Variants in MTPN observed in about 807,000 individuals in gnomAD.
The protein encoded by MTPN is myotrophin, also known as granule cell differentiation protein.
Under a neutral mutation model 13.5 loss-of-function variants are expected in MTPN, and 2 were observed. The observed-to-expected ratio is 0.15, with a 90% CI of 0.06 to 0.47. MTPN has a LOEUF of 0.47. Among genes scored for constraint, MTPN ranks in the 20% least tolerant of loss-of-function variants. The pLI is 0.97. For missense variants in MTPN, 79 were observed against 137.9 expected, an observed-to-expected ratio of 0.57 and a Z score of 2.14; for synonymous variants, 46 against 51.7, an observed-to-expected ratio of 0.89 and a Z score of 0.48.
In MTPN at chr7:135,929,548, A is replaced by G. The variant is rs1798982158; in HGVS notation, c.*378T>C. On this transcript the variant is annotated 3_prime_UTR_variant, in exon 4 of 4. Transcript: ENST00000393085. The stretch of plus-strand genomic sequence containing the variant: ...TACTGCTCAGACAGTTAGGGCTACC[A>G]AATATGTAGAGTTGGCCTTTGTAGA... 1 of 214,586 alleles carries G rather than the reference A, an allele frequency of 4.7e-6. No homozygotes were observed. Among genetic ancestry groups the G allele is most frequent in the South Asian group, 8.3e-5 (1 of 12,016 alleles). 13.3% of individuals were successfully genotyped at this position (214,586 alleles called of 1,614,324 possible).
In MTPN at chr7:135,949,324, G is replaced by A. The variant is rs76087375; in HGVS notation, c.270+1275C>T. Reference sequence around the variant, plus strand: ...TTCAAAGGTACTTTGTAATCCTTTCGCAGATCTTGGGGAGGGATGAACAGT... The same window carrying A: ...TTCAAAGGTACTTTGTAATCCTTTCACAGATCTTGGGGAGGGATGAACAGT... On this transcript the variant is annotated intron_variant, in intron 3 of 3. Transcript: ENST00000393085. Among the ~76,000 whole-genome samples, 2,573 of 152,200 alleles carry A rather than the reference G, an allele frequency of 0.017. 95 individuals are homozygous for A. The East Asian group carries it at 0.18, about 11-fold the overall frequency.
chr7:135,945,764 A>T (rs1337236101), intron 3 of MTPN, among the ~76,000 whole-genome samples: 1 of 152,216 alleles, frequency 6.6e-6, no homozygotes, highest in African/African-American at 2.4e-5. Context: ...AAAGCATAGT[A>T]TAGTAAATAC....
chr7:135,962,105 T>C (rs934516756), intron 1 of MTPN, among the ~76,000 whole-genome samples: 3 of 152,006 alleles, frequency 2.0e-5, no homozygotes, highest in African/African-American at 7.2e-5. Flanking sequence ...TACGTTACTA[T>C]TTCACTGAAT....
At chr7:135,935,156 T>C (rs1049840308) in intron 3 of MTPN, among the ~76,000 whole-genome samples, 2 of 152,200 alleles carry the variant, frequency 1.3e-5, no homozygotes, top group African/African-American at 4.8e-5. Context: ...GACCATACTA[T>C]TAAGATTTCC....
intron 1 of MTPN, among the ~76,000 whole-genome samples, chr7:135,969,088 T>TG (rs71174565): frequency 0.44 from 14,580 of 33,360 alleles, 2,427 homozygotes; most frequent in Non-Finnish European, 0.49. Context: ...TGTTGTGGGG[T>TG]GGGGGGGGGG....
At chr7:135,962,299 TA>T (rs1799536160) in intron 1 of MTPN, among the ~76,000 whole-genome samples, 1 of 148,802 alleles carries the variant, frequency 6.7e-6, no homozygotes, top group Non-Finnish European at 1.5e-5. Flanking sequence ...AAAGTAAACA[TA>T]AGAAAAAAAA....
At chr7:135,959,664 G>A (rs1243323980) in intron 1 of MTPN, among the ~76,000 whole-genome samples, 1 of 152,114 alleles carries the variant, frequency 6.6e-6, no homozygotes, top group East Asian at 1.9e-4. Context: ...TCTAATTTCT[G>A]AAAGCAATGT....
At position 135,933,888 on chromosome 7, in the gene MTPN, T is replaced by C. The variant is rs188926485; in HGVS notation, c.271-3876A>G. ...GGCACCACCCCTCACCCCCTTGTGC[T>C]GTCTTGTGATAGAGTAGAGTTCTCA... On this transcript the variant is annotated intron_variant, in intron 3 of 3. Transcript: ENST00000393085. 2.2e-3 allele frequency among the ~76,000 whole-genome samples: 342 copies of C among 152,248 alleles called. 2 individuals carry two copies. The highest frequency in any genetic ancestry group is 8.1e-3 in the African/African-American group (336 of 41,552).
chr7:135,963,862 C>T (rs1487774130), intron 1 of MTPN, among the ~76,000 whole-genome samples: 1 of 151,912 alleles, frequency 6.6e-6, no homozygotes, highest in Non-Finnish European at 1.5e-5. Flanking sequence ...AGCTGATTTA[C>T]TTATTAAATA....
At chr7:135,955,983 G>A (rs943247036) in intron 1 of MTPN, among the ~76,000 whole-genome samples, 1 of 152,168 alleles carries the variant, frequency 6.6e-6, no homozygotes, top group Non-Finnish European at 1.5e-5. Flanking sequence ...CCTAAGATCA[G>A]GAATAAGACA....
intron 1 of MTPN, among the ~76,000 whole-genome samples, chr7:135,952,109 T>C (rs867665662): frequency 3.3e-5 from 5 of 152,302 alleles, no homozygotes; most frequent in Middle Eastern, 3.4e-3. Context: ...TAGAGCCCAA[T>C]TGTGTAGCAG....
chr7:135,927,842 T>C lies in MTPN; in HGVS notation c.*2084A>G, dbSNP rs532426759. On this transcript the variant is annotated 3_prime_UTR_variant, in exon 4 of 4. Transcript: ENST00000393085. ...TGTACAAAGAATCACATGGTTTCCATACCATGAATGTAGAAAGCAGACCAG... is the reference window on the plus strand; with the variant it reads ...TGTACAAAGAATCACATGGTTTCCACACCATGAATGTAGAAAGCAGACCAG... The C allele has an allele frequency of 1.0e-4, 39 of 385,820 alleles. No homozygotes were observed. Among genetic ancestry groups the C allele is most frequent in the African/African-American group, 6.8e-4 (32 of 46,856 alleles). The allele number at this position is 385,820 out of a possible 1,614,324, so 23.9% of individuals were successfully genotyped here.
intron 1 of MTPN, among the ~76,000 whole-genome samples, chr7:135,955,350 C>T (rs77859062): frequency 0.079 from 11,978 of 152,128 alleles, 534 homozygotes; most frequent in Admixed American, 0.1. Context: ...CAAGCTGATT[C>T]TTCAAGATCA....
chr7:135,933,938 G>A (rs545332235), intron 3 of MTPN, among the ~76,000 whole-genome samples: 1 of 152,240 alleles, frequency 6.6e-6, no homozygotes, highest in African/African-American at 2.4e-5. Context: ...TTAAAAGTGT[G>A]TAGCACCTCC....
intron 1 of MTPN, among the ~76,000 whole-genome samples, chr7:135,957,492 T>A (rs1240544863): frequency 6.6e-6 from 1 of 150,888 alleles, no homozygotes; most frequent in African/African-American, 2.4e-5. Context: ...CTTCTTAGTG[T>A]TAAAAAATTG....
intron 1 of MTPN, among the ~76,000 whole-genome samples, chr7:135,972,384 A>C (rs141010270): frequency 1.1e-3 from 165 of 152,342 alleles, no homozygotes; most frequent in African/African-American, 3.7e-3. Context: ...ATTATTACTT[A>C]TACTGAAACA....
intron 3 of MTPN, among the ~76,000 whole-genome samples, chr7:135,946,679 T>C (rs1799293644): frequency 6.6e-6 from 1 of 152,182 alleles, no homozygotes; most frequent in Admixed American, 6.5e-5. Flanking sequence ...CTTTTAAATA[T>C]CCTTTTCATT....
intron 1 of MTPN, among the ~76,000 whole-genome samples, chr7:135,972,204 T>TACACACGC (rs1799703252): frequency 7.7e-6 from 1 of 129,186 alleles, no homozygotes; most frequent in Admixed American, 7.3e-5. Flanking sequence ...TGGTTATAAA[T>TACACACGC]ACACACGCGC....
At chr7:135,932,639 TAG>T (rs995704116) in intron 3 of MTPN, 5 of 151,836 alleles carry the variant, frequency 3.3e-5, no homozygotes, top group African/African-American at 1.2e-4. Flanking sequence ...TAATTAGAAG[TAG>T]AGTGACTATA....
Sources: gnomAD v4.1 joint callset for allele counts (sites outside exome capture counted in the v4.1 genomes callset) on GRCh38, gnomAD v4.1.1 for gene constraint, MANE v1.5 for transcripts, NCBI Gene and HGNC (gene_info 2026-07-23, HGNC 2026-07-21) for gene names.